EHBP1L1: variants seen among roughly 807,000 people sequenced by gnomAD.
EHBP1L1 encodes the protein EH domain-binding protein 1-like protein 1.
EHBP1L1 carries 122 observed loss-of-function variants against 151.1 expected under a neutral mutation model. The ratio of observed to expected loss-of-function variants is 0.81; its 90% confidence interval spans 0.70 to 0.94. The LOEUF is 0.94. Among genes scored for constraint, EHBP1L1 ranks in the 40% least tolerant of loss-of-function variants. The pLI, the probability that EHBP1L1 is intolerant of heterozygous loss-of-function variation, is 0.00. For missense variants in EHBP1L1, 1,941 were observed against 1,959.8 expected, an observed-to-expected ratio of 0.99 and a Z score of 0.18; for synonymous variants, 878 against 810.1, an observed-to-expected ratio of 1.08 and a Z score of -1.42.
At chr11:65,577,501 C>T (rs2135219688) in intron 1 of EHBP1L1, among the ~76,000 whole-genome samples, 1 of 152,336 alleles carries the variant, frequency 6.6e-6, no homozygotes, top group South Asian at 2.1e-4. Context: ...CTGGGCACAG[C>T]AGGCTGAGGG....
intron 1 of EHBP1L1, among the ~76,000 whole-genome samples, chr11:65,578,867 C>G (rs926733252): frequency 6.6e-6 from 1 of 152,240 alleles, no homozygotes; most frequent in Non-Finnish European, 1.5e-5. Context: ...GGCCTTTGCC[C>G]TTCTGCTCTG....
intron 3 of EHBP1L1, 121 bp downstream of exon 3, chr11:65,579,557 A>C: frequency 1.2e-6 from 1 of 815,192 alleles, no homozygotes; most frequent in Non-Finnish European, 1.8e-6. Context: ...GGTGAGGCCA[A>C]GAATTAGGGG....
chr11:65,584,751 C>T (rs1419890619), intron 11 of EHBP1L1: 3 of 972,730 alleles, frequency 3.1e-6, no homozygotes, highest in Non-Finnish European at 4.5e-6. Context: ...CCAAAACCAC[C>T]CTTTGGTAAC....
Position 65,581,476 on chromosome 11 carries a change from C to A in EHBP1L1, c.867-63C>A, listed in dbSNP as rs1283702601. On this transcript the variant is annotated intron_variant, in intron 8 of 18. Coordinates refer to ENST00000309295, the MANE Select transcript of EHBP1L1 (RefSeq NM_001099409.3). Reference sequence around the variant, plus strand: ...AGGGCCCCAACAGTCTGAAGGGTGGCGGATGGTGCTGAGAGTTGGGGCCAA... The same window carrying A: ...AGGGCCCCAACAGTCTGAAGGGTGGAGGATGGTGCTGAGAGTTGGGGCCAA... 17 of 1,413,156 alleles carry A rather than the reference C, an allele frequency of 1.2e-5. No individual in the cohort carries two copies. In the East Asian group the frequency reaches 4.2e-4, roughly 35 times the overall value. 87.5% of individuals were successfully genotyped at this position (1,413,156 alleles called of 1,614,324 possible).
intron 16 of EHBP1L1, among the ~76,000 whole-genome samples, chr11:65,590,962 C>T (rs1041556032): frequency 6.7e-6 from 1 of 148,480 alleles, no homozygotes; most frequent in African/African-American, 2.5e-5. Context: ...ACCTGGGAGG[C>T]AGAGGTTGCA....
intron 9 of EHBP1L1, chr11:65,584,001 A>G: frequency 2.1e-6 from 3 of 1,404,480 alleles, no homozygotes; most frequent in Non-Finnish European, 2.8e-6. Context: ...GCTGACTTTG[A>G]GGTGTGGCTG....
rs1282083783 is a variant in EHBP1L1 at position 65,582,102 on chromosome 11, G to T, written c.1430G>T (p.Gly477Val). The change falls in exon 9 of 19, where the codon GGC becomes GTC. Residue 477 changes from glycine (G) to valine (V), a missense_variant. By Grantham distance (109) the Gly-to-Val change is moderately radical. Coordinates refer to ENST00000309295, the MANE Select transcript of EHBP1L1 (RefSeq NM_001099409.3). ...AGGACCAGGGATGAGGCTCCCTCAG[G>T]CCTGAGCCTGCCCCCAGCGGAGCCT... ...GVRTRDEAPSGLSLPPAEPAG... is the reference protein window; with the variant it reads ...GVRTRDEAPSVLSLPPAEPAG... The T allele has an allele frequency of 2.2e-5, 36 of 1,604,958 alleles. No individual in the cohort carries two copies. Among genetic ancestry groups the T allele is most frequent in the Non-Finnish European group, 2.7e-5 (32 of 1,175,600 alleles).
chr11:65,583,652 C>T lies in EHBP1L1; in HGVS notation c.2980C>T (p.Leu994Phe), dbSNP rs1388945842. 6.3e-7 allele frequency: 1 copy of T among 1,596,754 alleles called. No homozygotes were observed. The stretch of plus-strand genomic sequence containing the variant: ...GAAGGGGAAAGAAGCTGAGGGAAGC[C>T]TCACAGAGGCCAGCCTGCCTGAAGC... The part of the protein sequence containing the change: ...NEKGKEAEGS[L>F]TEASLPEAQV... Residue 994 changes from leucine (L) to phenylalanine (F), a missense_variant, in exon 9 of 19, where the codon CTC becomes TTC. By Grantham distance (22) the Leu-to-Phe change is conservative (BLOSUM62 0). Transcript: ENST00000309295.
Position 65,582,617 on chromosome 11 carries a change from G to C in EHBP1L1, c.1945G>C (p.Glu649Gln). Reference sequence around the variant, plus strand: ...CATAGAGACCCCAGGGACAGAGACTGAGGTATTGGGGACCCAGAAAACAGA... The same window carrying C: ...CATAGAGACCCCAGGGACAGAGACTCAGGTATTGGGGACCCAGAAAACAGA... The part of the protein sequence containing the change: ...GVIETPGTET[E>Q]VLGTQKTEAG... Residue 649 changes from glutamate (E) to glutamine (Q), a missense_variant, in exon 9 of 19, where the codon GAG becomes CAG. By Grantham distance (29) the Glu-to-Gln change is conservative. Coordinates refer to ENST00000309295, the MANE Select transcript of EHBP1L1 (RefSeq NM_001099409.3). 6.2e-7 allele frequency: 1 copy of C among 1,613,254 alleles called. No homozygotes were observed. Among genetic ancestry groups the C allele is most frequent in the Non-Finnish European group, 8.5e-7 (1 of 1,179,770 alleles).
In EHBP1L1 at chr11:65,581,557, C is replaced by T. The variant is rs763569250; in HGVS notation, c.885C>T (p.Ala295=). The T allele has an allele frequency of 2.7e-6, 4 of 1,503,756 alleles. No homozygotes were observed. In the Admixed American group the frequency reaches 7.0e-5, roughly 27 times the overall value. 93.2% of individuals were successfully genotyped at this position (1,503,756 alleles called of 1,614,324 possible). The change falls in exon 9 of 19, where the codon GCC becomes GCT. Residue 295 remains alanine (A), a synonymous_variant. Coordinates refer to ENST00000309295, the MANE Select transcript of EHBP1L1 (RefSeq NM_001099409.3). ...SPEMRSSRQP[A]QDTAPTPAPR... ...TTCTCAGGTCTTCAAGGCAGCCAGCCCAGGACACGGCCCCCACCCCAGCCC... is the reference window on the plus strand; with the variant it reads ...TTCTCAGGTCTTCAAGGCAGCCAGCTCAGGACACGGCCCCCACCCCAGCCC...
In EHBP1L1 at chr11:65,578,505, C is replaced by T. The variant is rs538013589; in HGVS notation, c.105-573C>T. Among the ~76,000 whole-genome samples the T allele has an allele frequency of 1.4e-4, 21 of 152,274 alleles. No individual in the cohort carries two copies. The South Asian group carries it at 4.1e-3, about 30-fold the overall frequency. The stretch of plus-strand genomic sequence containing the variant: ...ACCCCCAGGGGTTCCCTCACATCAC[C>T]CTGGAGTTCGCTTGTTAATTTATTT... On this transcript the variant is annotated intron_variant, in intron 1 of 18. Coordinates refer to ENST00000309295, the MANE Select transcript of EHBP1L1 (RefSeq NM_001099409.3).
rs1401848501 is a variant in EHBP1L1 at position 65,581,252 on chromosome 11, G to A, written c.745G>A (p.Val249Met). The A allele has an allele frequency of 2.5e-6, 4 of 1,611,564 alleles. No homozygotes were observed. Among genetic ancestry groups the A allele is most frequent in the Non-Finnish European group, 1.7e-6 (2 of 1,179,300 alleles). The change falls in exon 8 of 19, where the codon GTG (valine) becomes ATG (methionine). Residue 249 changes from valine (V) to methionine (M), a missense_variant. By Grantham distance (21) the Val-to-Met change is conservative. Coordinates refer to ENST00000309295, the MANE Select transcript of EHBP1L1 (RefSeq NM_001099409.3). ...SNAEDTSPAPVSAPAPPARTS... is the reference protein window; with the variant it reads ...SNAEDTSPAPMSAPAPPARTS... ...TGCTGAGGATACCAGCCCAGCCCCT[G>A]TGAGTGCTCCTGCACCCCCAGCCAG...
Position 65,581,651 on chromosome 11 carries a change from G to A in EHBP1L1, c.979G>A (p.Ala327Thr), listed in dbSNP as rs764720128. Residue 327 changes from alanine (A) to threonine (T), a missense_variant, in exon 9 of 19, where the codon GCC (alanine) becomes ACC (threonine). Physicochemically the swap from Ala to Thr is moderately conservative, Grantham distance 58. Transcript: ENST00000309295. The stretch of plus-strand genomic sequence containing the variant: ...CCAGGGGGAAGATGAGGTCCCCAAA[G>A]CCTCAGGGGCTCCTCCAGCAGGATT... The part of the protein sequence containing the change: ...VPQGEDEVPK[A>T]SGAPPAGLGS... 6.4e-7 allele frequency: 1 copy of A among 1,559,646 alleles called. No homozygotes were observed. The highest frequency in any genetic ancestry group is 8.7e-7 in the Non-Finnish European group (1 of 1,152,084).
rs753260817 is a variant in EHBP1L1, at chr11:65,584,964, C to G, written c.3306C>G (p.Phe1102Leu). ...CGAGTGCACCCTTCCCCTAGGCCTTCGATGGCTTCGCGGCTCTGGGCGTGT... is the reference window on the plus strand; with the variant it reads ...CGAGTGCACCCTTCCCCTAGGCCTTGGATGGCTTCGCGGCTCTGGGCGTGT... The part of the protein sequence containing the change: ...LNIKQNNKQA[F>L]DGFAALGVSR... Residue 1102 changes from phenylalanine (F) to leucine (L), a missense_variant, in exon 12 of 19, where the codon TTC becomes TTG. Coordinates refer to ENST00000309295, the MANE Select transcript of EHBP1L1 (RefSeq NM_001099409.3). 2.7e-5 allele frequency: 41 copies of G among 1,533,366 alleles called. No individual in the cohort carries two copies. Among genetic ancestry groups the G allele is most frequent in the Non-Finnish European group, 3.4e-5 (39 of 1,145,732 alleles). The allele number at this position is 1,533,366 out of a possible 1,614,324, so 95.0% of individuals were successfully genotyped here.
chr11:65,587,702 CACAA>C (rs1161824900), intron 12 of EHBP1L1, among the ~76,000 whole-genome samples: 3 of 152,188 alleles, frequency 2.0e-5, no homozygotes, highest in Non-Finnish European at 4.4e-5. Context: ...CATACAAGGA[CACAA>C]ACAGAGGCCC....
chr11:65,590,168 G>T lies in EHBP1L1; in HGVS notation c.4141G>T (p.Ala1381Ser). 6.2e-7 allele frequency: 1 copy of T among 1,613,766 alleles called. No individual in the cohort carries two copies. Residue 1381 changes from alanine (A) to serine (S), a missense_variant, in exon 15 of 19, where the codon GCG (alanine) becomes TCG (serine). Ala to Ser is a moderately conservative substitution (Grantham distance 99). Coordinates refer to ENST00000309295, the MANE Select transcript of EHBP1L1 (RefSeq NM_001099409.3). ...EQEQRQIDGRAAEVEMQLRSL... is the reference protein window; with the variant it reads ...EQEQRQIDGRSAEVEMQLRSL... ...GGAGCAGAGGCAGATAGATGGGCGG[G>T]CGGCTGAGGTGGAGATGCAGCTGAG...
At position 65,580,344 on chromosome 11, in the gene EHBP1L1, G is replaced by A; in HGVS notation, c.499G>A (p.Asp167Asn). The change falls in exon 6 of 19, where the codon GAC becomes AAC. Residue 167 changes from aspartate to asparagine, a missense_variant. Coordinates refer to ENST00000309295, the MANE Select transcript of EHBP1L1 (RefSeq NM_001099409.3). ...TTAACCTCTGCCTCCCAGGGACGATGACATGCAGAGTCTCGCAAGCCTCAT... is the reference window on the plus strand; with the variant it reads ...TTAACCTCTGCCTCCCAGGGACGATAACATGCAGAGTCTCGCAAGCCTCAT... Reference protein sequence around the residue: ...LLREGRATDDDMQSLASLMSV... With the variant: ...LLREGRATDDNMQSLASLMSV... 2 of 1,613,762 alleles carry A rather than the reference G, an allele frequency of 1.2e-6. No homozygotes were observed. The highest frequency in any genetic ancestry group is 1.7e-6 in the Non-Finnish European group (2 of 1,179,850).
rs767177716 is a variant in EHBP1L1, at chr11:65,581,286, G to A, written c.779G>A (p.Arg260Gln). 1.7e-5 allele frequency: 28 copies of A among 1,611,926 alleles called. No homozygotes were observed. The highest frequency in any genetic ancestry group is 6.7e-5 in the Admixed American group (4 of 59,956). ...CCTGCACCCCCAGCCAGAACCTCCC[G>A]AGGCCAGGGGTCAGAACGAGCTAAT... is the stretch of plus-strand genomic sequence containing the variant. ...SAPAPPARTS[R>Q]GQGSERANEA... The change falls in exon 8 of 19, where the codon CGA becomes CAA. Residue 260 changes from arginine (R) to glutamine (Q), a missense_variant. Transcript: ENST00000309295.
Position 65,581,531 on chromosome 11 carries a change from C to G in EHBP1L1, c.867-8C>G, listed in dbSNP as rs1857609553. ...GCCCCCCAACTCCCCCTCCTGCTCT[C>G]TTCTCAGGTCTTCAAGGCAGCCAGC... On this transcript the variant is annotated splice_polypyrimidine_tract_variant and splice_region_variant and intron_variant, in intron 8 of 18. Transcript: ENST00000309295. 1 of 1,485,134 alleles carries G rather than the reference C, an allele frequency of 6.7e-7. No individual in the cohort carries two copies. The highest frequency in any genetic ancestry group is 1.4e-5 in the South Asian group (1 of 71,628). 92.0% of individuals were successfully genotyped at this position (1,485,134 alleles called of 1,614,324 possible).
Sources: allele counts gnomAD v4.1 joint callset (sites outside exome capture counted in the v4.1 genomes callset), GRCh38; gene constraint gnomAD v4.1.1; transcripts MANE v1.5; gene names NCBI Gene and HGNC (gene_info 2026-07-23, HGNC 2026-07-21).